The following IRAK4 variants were observed in gnomAD, a reference collection of about 807,000 sequenced individuals.
IRAK4 encodes interleukin 1 receptor associated kinase 4.
A neutral mutation model predicts 51.8 loss-of-function variants in IRAK4; 44 were observed. The ratio of observed to expected loss-of-function variants is 0.85; its 90% CI spans 0.67 to 1.09. The LOEUF (loss-of-function observed/expected upper bound fraction) is 1.09, where lower values mean the gene tolerates loss of function less well. Ranked by LOEUF, IRAK4 falls within the 50% of genes least tolerant of loss-of-function variation. The pLI, the probability that IRAK4 is intolerant of heterozygous loss-of-function variation, is 0.00. For synonymous variants in IRAK4, 149 were observed against 174.1 expected (o/e 0.86, Z 1.13); for missense variants, 487 against 538.0 (o/e 0.91, Z 0.94).
chr12:43,777,735 C>T lies in IRAK4; in HGVS notation c.822C>T (p.Leu274=), dbSNP rs755330743. 3.1e-6 allele frequency: 5 copies of T among 1,608,694 alleles called. No individual in the cohort carries two copies. Among genetic ancestry groups the T allele is most frequent in the Non-Finnish European group, 4.3e-6 (5 of 1,175,394 alleles). ...YMPNGSLLDR[L]SCLDGTPPLS... The stretch of plus-strand genomic sequence containing the variant: ...CTAATGGTTCATTGCTAGACAGACT[C>T]TCTTGCTTGGTAAGCTATTTGTTCA... The change falls in exon 7 of 12, where the codon CTC becomes CTT. Residue 274 remains leucine (L), a synonymous_variant. Transcript: ENST00000613694.
chr12:43,782,979 T>G (rs1313562637), intron 9 of IRAK4, among the ~76,000 whole-genome samples: 1 of 152,160 alleles, frequency 6.6e-6, no homozygotes, highest in East Asian at 1.9e-4. Context: ...TGCCTAATGT[T>G]TAGAAAATAA....
intron 1 of IRAK4, among the ~76,000 whole-genome samples, chr12:43,765,649 A>G (rs1382652632): frequency 6.6e-6 from 1 of 152,046 alleles, no homozygotes; most frequent in Admixed American, 6.6e-5. Context: ...AAAAATTGAA[A>G]TCCATGCATG....
Position 43,787,646 on chromosome 12 carries a change from A to G in IRAK4, c.*931A>G, listed in dbSNP as rs1158403185. On this transcript the variant is annotated 3_prime_UTR_variant, in exon 12 of 12. Transcript: ENST00000613694. ...TGAGTCAGCTTAGAAGAGTACTCCAAGCTTCAGATGATAACCACAGCCTGG... is the reference window on the plus strand; with the variant it reads ...TGAGTCAGCTTAGAAGAGTACTCCAGGCTTCAGATGATAACCACAGCCTGG... The G allele has an allele frequency of 1.3e-5, 2 of 152,238 alleles. No individual in the cohort carries two copies. The highest frequency in any genetic ancestry group is 2.9e-5 in the Non-Finnish European group (2 of 68,066). The allele number at this position is 152,238 out of a possible 1,614,324, so 9.4% of individuals were successfully genotyped here. A position where few individuals can be genotyped will look rare whatever the true frequency, so the allele number is the denominator to read the frequency against.
intron 5 of IRAK4, among the ~76,000 whole-genome samples, chr12:43,773,398 A>G (rs1224167188): frequency 1.4e-4 from 21 of 152,300 alleles, no homozygotes; most frequent in Admixed American, 1.4e-3. Context: ...ACTATTTTTA[A>G]AAAACCTTGT....
At chr12:43,778,462 T>A (rs1290694206) in intron 8 of IRAK4, among the ~76,000 whole-genome samples, 160 bp downstream of exon 8, 1 of 152,216 alleles carries the variant, frequency 6.6e-6, no homozygotes, top group Non-Finnish European at 1.5e-5. Flanking sequence ...TATAATCTCC[T>A]TTATTCCAAG....
At position 43,789,230 on chromosome 12, in the gene IRAK4, C is replaced by T. The variant is rs1323247554; in HGVS notation, c.*2515C>T. The T allele has an allele frequency of 2.0e-5, 3 of 152,146 alleles. No homozygotes were observed. The highest frequency in any genetic ancestry group is 4.8e-5 in the African/African-American group (2 of 41,420). The allele number at this position is 152,146 out of a possible 1,614,324, so 9.4% of individuals were successfully genotyped here. ...GTTTGGGTCATGGTGGATGATCCCTCATGAATGGCTTAGAGCCACTGGTGA... is the reference window on the plus strand; with the variant it reads ...GTTTGGGTCATGGTGGATGATCCCTTATGAATGGCTTAGAGCCACTGGTGA... On this transcript the variant is annotated 3_prime_UTR_variant, in exon 12 of 12. Coordinates refer to ENST00000613694, the MANE Select transcript of IRAK4 (RefSeq NM_016123.4).
At chr12:43,759,998 A>T (rs551305069) in intron 1 of IRAK4, among the ~76,000 whole-genome samples, 90 of 152,220 alleles carry the variant, frequency 5.9e-4, no homozygotes, top group Non-Finnish European at 2.5e-4. Context: ...TAAGCAGAGG[A>T]TACTAAAATC....
intron 1 of IRAK4, among the ~76,000 whole-genome samples, chr12:43,761,532 C>A (rs548645075): frequency 5.5e-4 from 83 of 151,120 alleles, no homozygotes; most frequent in African/African-American, 2.0e-3. Context: ...GATTTTAATT[C>A]TTACAGCAAT....
intron 10 of IRAK4, among the ~76,000 whole-genome samples, chr12:43,784,257 C>G (rs1942025667): frequency 6.6e-6 from 1 of 152,200 alleles, no homozygotes; most frequent in African/African-American, 2.4e-5. Context: ...ACAATCAACA[C>G]AGAAGATTTC....
In IRAK4 at chr12:43,782,348, C is replaced by T; in HGVS notation, c.983C>T (p.Ser328Phe). ...LLDEAFTAKI[S>F]DFGLARASEK... The stretch of plus-strand genomic sequence containing the variant: ...GATGAAGCTTTTACTGCTAAAATAT[C>T]TGACTTTGGCCTTGCACGGGCTTCT... Residue 328 changes from serine to phenylalanine, a missense_variant, in exon 9 of 12, where the codon TCT becomes TTT. Coordinates refer to ENST00000613694, the MANE Select transcript of IRAK4 (RefSeq NM_016123.4). 6.2e-7 allele frequency: 1 copy of T among 1,613,586 alleles called. No individual in the cohort carries two copies. The highest frequency in any genetic ancestry group is 8.5e-7 in the Non-Finnish European group (1 of 1,179,614).
intron 1 of IRAK4, among the ~76,000 whole-genome samples, chr12:43,765,784 T>C (rs966863390): frequency 2.0e-5 from 3 of 151,360 alleles, no homozygotes; most frequent in Non-Finnish European, 4.4e-5. Flanking sequence ...TATAAGTACT[T>C]GGTATGAAGG....
At chr12:43,765,279 C>T (rs977068699) in intron 1 of IRAK4, among the ~76,000 whole-genome samples, 2 of 152,214 alleles carry the variant, frequency 1.3e-5, no homozygotes, top group African/African-American at 4.8e-5. Flanking sequence ...AGGTACTCTT[C>T]ATTTAGGGCA....
At chr12:43,761,715 A>C (rs1939577659) in intron 1 of IRAK4, among the ~76,000 whole-genome samples, 1 of 152,202 alleles carries the variant, frequency 6.6e-6, no homozygotes, top group Non-Finnish European at 1.5e-5. Flanking sequence ...GTGCTAATGA[A>C]GCAGTCTTAA....
Position 43,786,868 on chromosome 12 carries a change from T to C in IRAK4, c.*153T>C, listed in dbSNP as rs899116917. 10 of 670,414 alleles carry C rather than the reference T, an allele frequency of 1.5e-5. No individual in the cohort carries two copies. The highest frequency in any genetic ancestry group is 2.8e-5 in the Admixed American group (1 of 35,412). 41.5% of individuals were successfully genotyped at this position (670,414 alleles called of 1,614,324 possible). A position where few individuals can be genotyped will look rare whatever the true frequency, so the allele number is the denominator to read the frequency against. On this transcript the variant is annotated 3_prime_UTR_variant, in exon 12 of 12. Coordinates refer to ENST00000613694, the MANE Select transcript of IRAK4 (RefSeq NM_016123.4). ...TAAAGCATGGGTTGAACTTCCAAAATATAAAAATAGAGCCACCATATCAAC... is the reference window on the plus strand; with the variant it reads ...TAAAGCATGGGTTGAACTTCCAAAACATAAAAATAGAGCCACCATATCAAC...
chr12:43,782,956 G>A (rs557064401), intron 9 of IRAK4, among the ~76,000 whole-genome samples: 2 of 152,232 alleles, frequency 1.3e-5, no homozygotes, highest in African/African-American at 4.8e-5. Context: ...ATAAGGCATA[G>A]GGCTATAGAA....
intron 8 of IRAK4, among the ~76,000 whole-genome samples, chr12:43,778,983 T>TG (rs1283135371): frequency 6.6e-6 from 1 of 152,028 alleles, no homozygotes; most frequent in Non-Finnish European, 1.5e-5. Context: ...AGACAGAATA[T>TG]GGGAGCATGA....
chr12:43,780,489 G>A (rs887816650), intron 8 of IRAK4, among the ~76,000 whole-genome samples: 2 of 151,858 alleles, frequency 1.3e-5, no homozygotes, highest in Non-Finnish European at 2.9e-5. Context: ...CCCTAGATGA[G>A]AAAAGAAACG....
At position 43,771,362 on chromosome 12, in the gene IRAK4, C is replaced by G; in HGVS notation, c.304C>G (p.Pro102Ala). 3.7e-6 allele frequency: 6 copies of G among 1,614,048 alleles called. No homozygotes were observed. Among genetic ancestry groups the G allele is most frequent in the Non-Finnish European group, 4.2e-6 (5 of 1,179,968 alleles). The stretch of plus-strand genomic sequence containing the variant: ...TTTTGCTCCTGCGAGTCTTTTGCTC[C>G]CAGGTAAACTGATTGTGACCAGGGT... ...EFFAPASLLL[P>A]DAVPKTANTL... Residue 102 changes from proline to alanine, a missense_variant, in exon 3 of 12, where the codon CCA becomes GCA. Coordinates refer to ENST00000613694, the MANE Select transcript of IRAK4 (RefSeq NM_016123.4).
chr12:43,781,828 T>G (rs1385562901), intron 8 of IRAK4, among the ~76,000 whole-genome samples: 1 of 152,192 alleles, frequency 6.6e-6, no homozygotes, highest in Non-Finnish European at 1.5e-5. Context: ...TTTTTTCTCT[T>G]CAAAAGCCAG....
Sources: gnomAD v4.1 joint callset for allele counts (sites outside exome capture counted in the v4.1 genomes callset) on GRCh38, gnomAD v4.1.1 for gene constraint, MANE v1.5 for transcripts, NCBI Gene and HGNC (gene_info 2026-07-23, HGNC 2026-07-21) for gene names.